The following SLC25A21 variants were observed in gnomAD, a reference collection of about 807,000 sequenced individuals.
SLC25A21 encodes mitochondrial 2-oxodicarboxylate carrier.
Under a neutral mutation model 43.8 loss-of-function variants are expected in SLC25A21, and 47 were observed. That is an observed-to-expected ratio of 1.07 (90% confidence interval 0.85 to 1.37). The LOEUF is 1.37. Ranked by LOEUF, SLC25A21 falls within the 40% of genes most tolerant of loss-of-function variation. SLC25A21 has a pLI of 0.00. For missense variants in SLC25A21, 352 were observed against 350.2 expected, an observed-to-expected ratio of 1.00 and a Z score of -0.04; for synonymous variants, 131 against 121.3, an observed-to-expected ratio of 1.08 and a Z score of -0.52.
At chr14:36,964,019 G>A (rs1052395387) in intron 1 of SLC25A21, among the ~76,000 whole-genome samples, 1 of 152,002 alleles carries the variant, frequency 6.6e-6, no homozygotes, top group Non-Finnish European at 1.5e-5. Context: ...GATTTCTTAT[G>A]CACATATATA....
intron 1 of SLC25A21, among the ~76,000 whole-genome samples, chr14:36,933,456 A>T (rs548259561): frequency 1.2e-4 from 18 of 152,104 alleles, no homozygotes; most frequent in African/African-American, 4.3e-4. Context: ...GCCATTTGTT[A>T]ACCTTGAGAG....
chr14:36,734,065 A>G (rs564402959), intron 4 of SLC25A21, among the ~76,000 whole-genome samples: 16 of 152,294 alleles, frequency 1.1e-4, no homozygotes, highest in African/African-American at 3.8e-4. Flanking sequence ...AATCATATAT[A>G]AAGAAATATG....
chr14:36,745,834 C>T (rs769194369), intron 3 of SLC25A21, among the ~76,000 whole-genome samples: 2 of 152,002 alleles, frequency 1.3e-5, no homozygotes, highest in Non-Finnish European at 2.9e-5. Flanking sequence ...ATACACGTGG[C>T]CATCAAACAT....
intron 1 of SLC25A21, among the ~76,000 whole-genome samples, chr14:37,018,482 C>G (rs769682313): frequency 1.3e-5 from 2 of 151,988 alleles, no homozygotes; most frequent in Non-Finnish European, 2.9e-5. Context: ...GTCAGTTATA[C>G]CTCAATAAAG....
rs1242965821 is a variant in SLC25A21 at position 37,169,604 on chromosome 14, C to CACACACACACACACACACACAG, written c.70+2676_70+2677insCTGTGTGTGTGTGTGTGTGTGT. On this transcript the variant is annotated intron_variant, in intron 1 of 9. Transcript: ENST00000331299. Reference sequence around the variant, plus strand: ...TAACACACACACACACACACACACACACAGAAGTGTTGTATTCATGGACAA... The same window carrying CACACACACACACACACACACAG: ...TAACACACACACACACACACACACACACACACACACACACACACACAGACAGAAGTGTTGTATTCATGGACAA... Among the ~76,000 whole-genome samples the CACACACACACACACACACACAG allele has an allele frequency of 6.0e-5, 9 of 151,250 alleles. 1 individual carries two copies. The highest frequency in any genetic ancestry group is 2.2e-4 in the African/African-American group (9 of 41,152).
At chr14:36,860,981 A>AC (rs1890050266) in intron 2 of SLC25A21, among the ~76,000 whole-genome samples, 1 of 152,162 alleles carries the variant, frequency 6.6e-6, no homozygotes, top group African/African-American at 2.4e-5. Context: ...TTATTCAATA[A>AC]CCCCCAAATG....
chr14:37,107,392 G>T (rs534575208), intron 1 of SLC25A21, among the ~76,000 whole-genome samples: 2 of 151,830 alleles, frequency 1.3e-5, no homozygotes, highest in South Asian at 4.2e-4. Flanking sequence ...TAAGTTGCCC[G>T]CACTGGTCTC....
chr14:36,859,994 C>CAT (rs1217419460), intron 2 of SLC25A21, among the ~76,000 whole-genome samples: 10 of 151,888 alleles, frequency 6.6e-5, no homozygotes, highest in East Asian at 5.8e-4. Context: ...AATATATATA[C>CAT]ATATATATAT....
chr14:36,738,907 C>G (rs1434062919), intron 3 of SLC25A21, among the ~76,000 whole-genome samples: 1 of 152,128 alleles, frequency 6.6e-6, no homozygotes, highest in Non-Finnish European at 1.5e-5. Flanking sequence ...GGTATATGTA[C>G]ACATGGTAAT....
intron 6 of SLC25A21, chr14:36,725,258 G>GA (rs1884546219): frequency 6.4e-6 from 1 of 156,042 alleles, no homozygotes; most frequent in Non-Finnish European, 1.4e-5. Context: ...TGGATCACCT[G>GA]ATGTCAGGAG....
At chr14:36,884,717 T>C (rs1171632456) in intron 1 of SLC25A21, among the ~76,000 whole-genome samples, 2 of 152,200 alleles carry the variant, frequency 1.3e-5, no homozygotes, top group African/African-American at 2.4e-5. Context: ...TTTGCATTTC[T>C]CTGATGATTA....
At chr14:37,119,616 C>T (rs946728284) in intron 1 of SLC25A21, among the ~76,000 whole-genome samples, 1 of 152,042 alleles carries the variant, frequency 6.6e-6, no homozygotes, top group Non-Finnish European at 1.5e-5. Flanking sequence ...TTGAGCAGCC[C>T]ACGCCGCTGC....
chr14:37,132,261 C>T (rs1257617815), intron 1 of SLC25A21, among the ~76,000 whole-genome samples: 2 of 152,064 alleles, frequency 1.3e-5, no homozygotes, highest in Non-Finnish European at 2.9e-5. Flanking sequence ...GATTACGTTT[C>T]GCACATAGGA....
chr14:36,750,387 C>T (rs973818745), intron 3 of SLC25A21, among the ~76,000 whole-genome samples: 4 of 152,154 alleles, frequency 2.6e-5, no homozygotes, highest in African/African-American at 9.7e-5. Flanking sequence ...TCACCCAATC[C>T]ACGTCATCCC....
At chr14:36,931,879 T>C (rs1490874161) in intron 1 of SLC25A21, among the ~76,000 whole-genome samples, 4 of 152,182 alleles carry the variant, frequency 2.6e-5, no homozygotes, top group Non-Finnish European at 5.9e-5. Context: ...ATTAAATTAA[T>C]TTCCAACGAT....
chr14:36,927,734 G>A (rs563955757), intron 1 of SLC25A21, among the ~76,000 whole-genome samples: 10 of 152,124 alleles, frequency 6.6e-5, no homozygotes, highest in Non-Finnish European at 1.3e-4. Context: ...TATATCCACA[G>A]GGCCCTCACC....
At chr14:36,710,236 G>A (rs1295957989) in intron 7 of SLC25A21, among the ~76,000 whole-genome samples, 1 of 151,886 alleles carries the variant, frequency 6.6e-6, no homozygotes, top group Non-Finnish European at 1.5e-5. Context: ...AGCTGGGTGC[G>A]GTGGTGGGCA....
chr14:37,148,239 G>A (rs1271453259), intron 1 of SLC25A21, among the ~76,000 whole-genome samples: 1 of 151,960 alleles, frequency 6.6e-6, no homozygotes, highest in Non-Finnish European at 1.5e-5. Flanking sequence ...TATATATACT[G>A]TCATATATTT....
chr14:37,092,840 TTC>T (rs1448274157), intron 1 of SLC25A21, among the ~76,000 whole-genome samples: 1 of 151,896 alleles, frequency 6.6e-6, no homozygotes, highest in African/African-American at 2.4e-5. Context: ...ATGGGTGAGG[TTC>T]TGTTTTTCTT....
Sources: allele counts gnomAD v4.1 joint callset (sites outside exome capture counted in the v4.1 genomes callset), GRCh38; gene constraint gnomAD v4.1.1; transcripts MANE v1.5; gene names NCBI Gene and HGNC (gene_info 2026-07-23, HGNC 2026-07-21).